DHX33: variants seen among roughly 807,000 people sequenced by gnomAD.
DHX33 encodes the protein ATP-dependent RNA helicase DHX33.
A neutral mutation model predicts 72.5 loss-of-function variants in DHX33; 42 were observed. That is an observed-to-expected ratio of 0.58 (90% CI 0.45 to 0.75). DHX33 has a LOEUF of 0.75. Among genes scored for constraint, DHX33 ranks in the 30% least tolerant of loss-of-function variants. The pLI is 0.00. For synonymous variants in DHX33, 358 were observed against 366.1 expected, an observed-to-expected ratio of 0.98 and a Z score of 0.25; for missense variants, 842 against 917.5, an observed-to-expected ratio of 0.92 and a Z score of 1.06.
At chr17:5,454,038 T>C (rs1489119036) in intron 6 of DHX33, 58 bp from the exon 7 acceptor site, 5 of 1,577,946 alleles carry the variant, frequency 3.2e-6, no homozygotes, top group Non-Finnish European at 4.3e-6. Context: ...CTTTCTACAG[T>C]GTCGATAAAA....
chr17:5,466,298 C>T (rs964651142), intron 1 of DHX33, among the ~76,000 whole-genome samples: 3 of 152,162 alleles, frequency 2.0e-5, no homozygotes, highest in African/African-American at 7.2e-5. Flanking sequence ...GTACATGTTC[C>T]GAGCACACTG....
At chr17:5,455,041 C>A in intron 6 of DHX33, 119 bp downstream of exon 6, 1 of 897,080 alleles carries the variant, frequency 1.1e-6, no homozygotes, top group Non-Finnish European at 1.8e-6. Context: ...ACTCATGGCG[C>A]CTGCCACCTG....
chr17:5,459,540 C>T (rs1030121343), intron 4 of DHX33, among the ~76,000 whole-genome samples: 3 of 152,018 alleles, frequency 2.0e-5, no homozygotes, highest in Non-Finnish European at 4.4e-5. Context: ...AGTGATCCTC[C>T]TACCTCAGCA....
intron 8 of DHX33, 137 bp downstream of exon 8, chr17:5,453,443 T>G: frequency 4.3e-6 from 3 of 691,842 alleles, no homozygotes; most frequent in Non-Finnish European, 2.5e-6. Flanking sequence ...CAGATGCTTC[T>G]CTAATAACTA....
chr17:5,454,036 A>C, intron 6 of DHX33, 56 bp from the exon 7 acceptor site: 1 of 1,579,776 alleles, frequency 6.3e-7, no homozygotes, highest in Non-Finnish European at 8.6e-7. Flanking sequence ...CTCTTTCTAC[A>C]GTGTCGATAA....
intron 1 of DHX33, among the ~76,000 whole-genome samples, chr17:5,467,160 A>G (rs1211131542): frequency 6.6e-6 from 1 of 152,238 alleles, no homozygotes; most frequent in Non-Finnish European, 1.5e-5. Flanking sequence ...ACAAAATCAT[A>G]GCATGGGTCA....
At chr17:5,459,113 C>T (rs576736257) in intron 4 of DHX33, among the ~76,000 whole-genome samples, 11 of 152,182 alleles carry the variant, frequency 7.2e-5, no homozygotes, top group African/African-American at 9.6e-5. Flanking sequence ...GGTAGGAGGA[C>T]GGCTTGAGCC....
In DHX33 at chr17:5,444,218, G is replaced by C; in HGVS notation, c.2111C>G (p.Thr704Ser). The C allele has an allele frequency of 6.2e-7, 1 of 1,613,094 alleles. No homozygotes were observed. The highest frequency in any genetic ancestry group is 8.5e-7 in the Non-Finnish European group (1 of 1,179,122). The change falls in exon 12 of 12, where the codon ACC (threonine) becomes AGC (serine). Residue 704 changes from threonine (T) to serine (S), a missense_variant. Coordinates refer to ENST00000225296, the MANE Select transcript of DHX33 (RefSeq NM_020162.4). This position sits in a 1 kb window ranked among gnomAD's most constrained non-coding sequence, Gnocchi z 4.9. ...TCCTGGGGCGGCTCAGTTTCTGGCG[G>C]TTCTCAGCTTCCTCCTAAAGTACTC... Reference protein sequence around the residue: ...APEYFRRKLRTARN With the variant: ...APEYFRRKLRSARN
intron 8 of DHX33, among the ~76,000 whole-genome samples, chr17:5,451,619 G>T (rs1916917877): frequency 6.6e-6 from 1 of 152,108 alleles, no homozygotes; most frequent in Non-Finnish European, 1.5e-5. Flanking sequence ...GAGACAAGGG[G>T]ATGAGAAGGA....
chr17:5,453,274 A>G (rs948929321), intron 8 of DHX33, among the ~76,000 whole-genome samples: 4 of 152,216 alleles, frequency 2.6e-5, no homozygotes, highest in Non-Finnish European at 5.9e-5. Context: ...CTGTGGTCCC[A>G]GCTACTTGGG....
Position 5,453,896 on chromosome 17 carries a change from C to T in DHX33, c.1232G>A (p.Ser411Asn). 6.2e-7 allele frequency: 1 copy of T among 1,607,570 alleles called. No homozygotes were observed. Among genetic ancestry groups the T allele is most frequent in the Non-Finnish European group, 8.5e-7 (1 of 1,177,368 alleles). ...CGTGTAGAGCCGGTAGCAGATGCCA[C>T]TGTCCTCTCTGCCAGCCCTCCCTGT... ...QRTGRAGRED[S>N]GICYRLYTED... Residue 411 changes from serine to asparagine, a missense_variant, in exon 7 of 12, where the codon AGT becomes AAT. Coordinates refer to ENST00000225296, the MANE Select transcript of DHX33 (RefSeq NM_020162.4).
chr17:5,450,552 T>C (rs1282758458), intron 9 of DHX33, 146 bp from the exon 10 acceptor site: 1 of 1,000,054 alleles, frequency 1.0e-6, no homozygotes, highest in Non-Finnish European at 1.4e-6. Flanking sequence ...ATTAGTGTTA[T>C]TTCACTCTTT....
chr17:5,448,012 C>T (rs1007506809), intron 11 of DHX33, among the ~76,000 whole-genome samples: 7 of 152,082 alleles, frequency 4.6e-5, no homozygotes, highest in Non-Finnish European at 1.0e-4. Context: ...AACCCCGTCT[C>T]TACTAAAAAT....
At chr17:5,450,124 A>T in intron 10 of DHX33, 79 bp downstream of exon 10, 1 of 1,543,724 alleles carries the variant, frequency 6.5e-7, no homozygotes, top group Non-Finnish European at 8.9e-7. Context: ...TACTTTTTGC[A>T]CGGCTTCAGT....
intron 4 of DHX33, among the ~76,000 whole-genome samples, chr17:5,458,914 TTGAC>T (rs1364372489): frequency 6.6e-6 from 1 of 152,304 alleles, no homozygotes; most frequent in Non-Finnish European, 1.5e-5. Context: ...AAAATAAAAA[TTGAC>T]TGGGCACGGT....
chr17:5,463,716 A>T, intron 1 of DHX33, 27 bp from the exon 2 acceptor site: 1 of 1,494,026 alleles, frequency 6.7e-7, no homozygotes, highest in Non-Finnish European at 9.0e-7. Flanking sequence ...AAAAAAAAAA[A>T]GGCTCACTGA....
intron 1 of DHX33, 32 bp downstream of exon 1, chr17:5,468,539 G>T: frequency 6.3e-7 from 1 of 1,596,274 alleles, no homozygotes; most frequent in Non-Finnish European, 8.5e-7. Context: ...CGGACGAAGT[G>T]CAAGGAAGAG....
rs185845270 is a variant in DHX33 at position 5,456,363 on chromosome 17, C to T, written c.850-181G>A. On this transcript the variant is annotated intron_variant, in intron 4 of 11. Coordinates refer to ENST00000225296, the MANE Select transcript of DHX33 (RefSeq NM_020162.4). The stretch of plus-strand genomic sequence containing the variant: ...CTTACCAGCAGTGTGTAAATGGTAA[C>T]AGGCTGGGTGTGATGGCTCACGCCT... Among the ~76,000 whole-genome samples the T allele has an allele frequency of 9.6e-4, 146 of 152,318 alleles. 1 individual carries two copies. Among genetic ancestry groups the T allele is most frequent in the Non-Finnish European group, 1.7e-3 (115 of 68,022 alleles).
intron 4 of DHX33, among the ~76,000 whole-genome samples, chr17:5,458,506 C>G (rs1424576597): frequency 6.6e-6 from 1 of 152,026 alleles, no homozygotes; most frequent in African/African-American, 2.4e-5. Context: ...CTAGCTACTC[C>G]CAATGCTGAG....
Sources: gnomAD v4.1 joint callset for allele counts (sites outside exome capture counted in the v4.1 genomes callset) on GRCh38, gnomAD v4.1.1 for gene constraint, Gnocchi (gnomAD v3.1) non-coding constraint, MANE v1.5 for transcripts, NCBI Gene and HGNC (gene_info 2026-07-23, HGNC 2026-07-21) for gene names.